DEPDC5: variants seen among roughly 807,000 people sequenced by gnomAD.
The protein encoded by DEPDC5 is GATOR1 complex protein DEPDC5.
Under a neutral mutation model 217.3 loss-of-function variants are expected in DEPDC5, and 73 were observed. That is an observed-to-expected ratio of 0.34 (90% CI 0.28 to 0.41). DEPDC5 has a LOEUF of 0.41. Among genes scored for constraint, DEPDC5 ranks in the 10% least tolerant of loss-of-function variants. The probability of loss-of-function intolerance (pLI) is 1.00; values close to 1 mark genes in which losing one functional copy is unlikely to be tolerated. For synonymous variants in DEPDC5, 733 were observed against 756.7 expected, an observed-to-expected ratio of 0.97 and a Z score of 0.51; for missense variants, 1,675 against 2,070.1, an observed-to-expected ratio of 0.81 and a Z score of 3.70.
intron 41 of DEPDC5, among the ~76,000 whole-genome samples, chr22:31,902,408 T>TATATATATATA (rs2093663741): frequency 6.3e-4 from 70 of 111,928 alleles, no homozygotes; most frequent in African/African-American, 2.3e-3. Context: ...CATCTCCTTA[T>TATATATATATA]TATATATATA....
chr22:31,825,914 G>A (rs755237030), intron 24 of DEPDC5, among the ~76,000 whole-genome samples: 1 of 152,130 alleles, frequency 6.6e-6, no homozygotes, highest in Non-Finnish European at 1.5e-5. Flanking sequence ...AGGACATGAG[G>A]CCTGACTCCA....
At chr22:31,892,773 A>G (rs2149372751) in intron 38 of DEPDC5, among the ~76,000 whole-genome samples, 1 of 151,376 alleles carries the variant, frequency 6.6e-6, no homozygotes, top group East Asian at 2.0e-4. Context: ...CAGACGGAGT[A>G]GTCCATTTTT....
At chr22:31,818,703 C>T (rs1212714742) in intron 21 of DEPDC5, among the ~76,000 whole-genome samples, 1 of 152,220 alleles carries the variant, frequency 6.6e-6, no homozygotes, top group Non-Finnish European at 1.5e-5. Flanking sequence ...AGGGAGACAA[C>T]TCAAGTCCCA....
chr22:31,863,571 G>A (rs2092586984), intron 33 of DEPDC5, among the ~76,000 whole-genome samples: 1 of 152,174 alleles, frequency 6.6e-6, no homozygotes, highest in Non-Finnish European at 1.5e-5. Flanking sequence ...GAAAAGGCAG[G>A]AAGTGAGGTG....
chr22:31,838,667 A>G lies in DEPDC5; in HGVS notation c.2355-18A>G. On this transcript the variant is annotated intron_variant, in intron 26 of 42. Coordinates refer to ENST00000651528, the MANE Select transcript of DEPDC5 (RefSeq NM_001242896.3). ...CTCGGGCCAAGCATCTGTATGAGCA[A>G]TCATCTGTTGTTTTCAGGAGGGACG... 6.2e-7 allele frequency: 1 copy of G among 1,612,978 alleles called. No homozygotes were observed. Among genetic ancestry groups the G allele is most frequent in the African/African-American group, 1.3e-5 (1 of 75,034 alleles).
At chr22:31,858,922 TGAG>T (rs1300054853) in intron 32 of DEPDC5, 1 of 152,200 alleles carries the variant, frequency 6.6e-6, no homozygotes, top group Non-Finnish European at 1.5e-5. Context: ...GATAAAAATC[TGAG>T]AAGAAGTATC....
chr22:31,882,823 T>C (rs2093212445), intron 38 of DEPDC5, among the ~76,000 whole-genome samples: 3 of 152,110 alleles, frequency 2.0e-5, no homozygotes, highest in Non-Finnish European at 4.4e-5. Flanking sequence ...AGGGTCTCCC[T>C]ATGTTGCCCA....
chr22:31,886,775 A>G (rs1291625797), intron 38 of DEPDC5, among the ~76,000 whole-genome samples: 45 of 133,480 alleles, frequency 3.4e-4, no homozygotes, highest in South Asian at 8.7e-4. Context: ...AAAAAAAAAA[A>G]AGAGAGAGAG....
At chr22:31,773,908 C>T (rs146378711) in intron 7 of DEPDC5, among the ~76,000 whole-genome samples, 2,087 of 152,096 alleles carry the variant, frequency 0.014, 15 homozygotes, top group Middle Eastern at 0.031. Flanking sequence ...CCTGTCTCTA[C>T]TAAAAATACA....
chr22:31,755,617 T>C (rs2075258196), intron 2 of DEPDC5: 1 of 151,992 alleles, frequency 6.6e-6, no homozygotes, highest in Admixed American at 6.6e-5. Flanking sequence ...TTGCCCAGGC[T>C]AGTCTGGAAC....
chr22:31,776,293 A>G (rs924256857), intron 7 of DEPDC5, among the ~76,000 whole-genome samples: 1 of 151,650 alleles, frequency 6.6e-6, no homozygotes, highest in African/African-American at 2.4e-5. Context: ...TGTATTTTTT[A>G]TAGCGACAGG....
At chr22:31,840,790 A>G (rs1477329773) in intron 27 of DEPDC5, among the ~76,000 whole-genome samples, 1 of 152,324 alleles carries the variant, frequency 6.6e-6, no homozygotes, top group East Asian at 1.9e-4. Flanking sequence ...CTGCTTATTC[A>G]TCAGAGATTT....
chr22:31,870,279 G>A (rs2092804486), intron 33 of DEPDC5, among the ~76,000 whole-genome samples: 1 of 152,172 alleles, frequency 6.6e-6, no homozygotes, highest in Non-Finnish European at 1.5e-5. Context: ...GGCAGGTGCT[G>A]AAGCGATTTC....
intron 31 of DEPDC5, among the ~76,000 whole-genome samples, chr22:31,856,080 C>T (rs2092277724): frequency 6.6e-6 from 1 of 151,834 alleles, no homozygotes; most frequent in African/African-American, 2.4e-5. Context: ...AGCTGGACTA[C>T]AGCCCAGACC....
intron 41 of DEPDC5, among the ~76,000 whole-genome samples, chr22:31,904,009 C>T (rs141439151): frequency 1.2e-3 from 178 of 152,182 alleles, no homozygotes; most frequent in African/African-American, 4.2e-3. Context: ...CACATCAGCC[C>T]ACCCATAAGG....
Position 31,838,833 on chromosome 22 carries a change from C to T in DEPDC5, c.2503C>T (p.Leu835Phe). 1 of 1,613,532 alleles carries T rather than the reference C, an allele frequency of 6.2e-7. No homozygotes were observed. The highest frequency in any genetic ancestry group is 8.5e-7 in the Non-Finnish European group (1 of 1,179,628). ...CCCGCCCCCGCTGAGCAGTAGCCCA[C>T]TCTATAGCCGAGGTGAGTTTTTCTC... ...AVPPPLSSSP[L>F]YSRGLVSRNR... is the part of the protein sequence containing the mutation. Residue 835 changes from leucine (L) to phenylalanine (F), a missense_variant, in exon 27 of 43, where the codon CTC becomes TTC. Around this residue, in one of 11 missense-constraint regions of DEPDC5, gnomAD observed 293 missense variants for 386.1 expected, o/e 0.76. Coordinates refer to ENST00000651528, the MANE Select transcript of DEPDC5 (RefSeq NM_001242896.3).
chr22:31,776,516 T>C (rs2083868235), intron 7 of DEPDC5, among the ~76,000 whole-genome samples: 1 of 151,810 alleles, frequency 6.6e-6, no homozygotes, highest in South Asian at 2.1e-4. Context: ...GACCAGTTTC[T>C]CTTCAGGCCA....
chr22:31,774,099 A>C (rs903303444), intron 7 of DEPDC5, among the ~76,000 whole-genome samples: 3 of 152,070 alleles, frequency 2.0e-5, no homozygotes, highest in Non-Finnish European at 4.4e-5. Context: ...CAACAACAAC[A>C]ACAAAAAATA....
chr22:31,863,720 C>T (rs1232584840), intron 33 of DEPDC5, among the ~76,000 whole-genome samples: 2 of 152,012 alleles, frequency 1.3e-5, no homozygotes, highest in Admixed American at 1.3e-4. Context: ...GTCAGGAGTT[C>T]GAGACCAACC....
Sources: gnomAD v4.1 joint callset for allele counts (sites outside exome capture counted in the v4.1 genomes callset) on GRCh38, gnomAD v4.1.1 for gene constraint, gnomAD v4.1.1 regional missense constraint, MANE v1.5 for transcripts, NCBI Gene and HGNC (gene_info 2026-07-23, HGNC 2026-07-21) for gene names.